The following PRDM11 variants were observed in gnomAD, a reference collection of about 807,000 sequenced individuals.
PRDM11 encodes the protein PR domain-containing protein 11.
Under a neutral mutation model 97.8 loss-of-function variants are expected in PRDM11, and 20 were observed. The ratio of observed to expected loss-of-function variants is 0.20; its 90% CI spans 0.14 to 0.30. The LOEUF is 0.30. Ranked by LOEUF, PRDM11 falls within the 10% of genes least tolerant of loss-of-function variation. PRDM11 has a pLI of 1.00. For synonymous variants in PRDM11, 599 were observed against 637.7 expected, an observed-to-expected ratio of 0.94 and a Z score of 0.91; for missense variants, 1,139 against 1,555.2, an observed-to-expected ratio of 0.73 and a Z score of 4.50.
chr11:45,105,044 C>T (rs1354326475), intron 1 of PRDM11, among the ~76,000 whole-genome samples: 2 of 152,226 alleles, frequency 1.3e-5, no homozygotes, highest in African/African-American at 2.4e-5. Context: ...ACATGTATTT[C>T]TTATAGTTCT....
Position 45,227,500 on chromosome 11 carries a change from A to C in PRDM11, c.2875A>C (p.Ile959Leu). Residue 959 changes from isoleucine (I) to leucine (L), a missense_variant, in exon 8 of 8, where the codon ATC becomes CTC. Coordinates refer to ENST00000683152, the MANE Select transcript of PRDM11 (RefSeq NM_001384648.1). The surrounding 1 kb of genome is among the most constrained non-coding windows in gnomAD (Gnocchi z 8.0). ...GGTGGCTGAAGCCAAGTTCCAGTCC[A>C]TCAGGGAGAAGATCTGCCAGAAGAC... The part of the protein sequence containing the change: ...LRVAEAKFQS[I>L]REKICQKTQV... 1 of 1,533,864 alleles carries C rather than the reference A, an allele frequency of 6.5e-7. No homozygotes were observed. The highest frequency in any genetic ancestry group is 8.7e-7 in the Non-Finnish European group (1 of 1,146,728).
At chr11:45,134,701 G>GAAAAAAAAAAAA (rs1191008824) in intron 1 of PRDM11, among the ~76,000 whole-genome samples, 947 of 44,394 alleles carry the variant, frequency 0.021, 52 homozygotes, top group Admixed American at 0.031. Context: ...CCTGTCTCAC[G>GAAAAAAAAAAAA]AAAAAAAAAA....
intron 1 of PRDM11, among the ~76,000 whole-genome samples, chr11:45,134,672 C>G (rs1327355053): frequency 1.6e-4 from 18 of 113,636 alleles, no homozygotes; most frequent in Non-Finnish European, 2.8e-4. Context: ...GCACTCCAGC[C>G]TGAGCAACAG....
At chr11:45,210,461 C>T (rs1278121089) in intron 5 of PRDM11, among the ~76,000 whole-genome samples, 1 of 152,244 alleles carries the variant, frequency 6.6e-6, no homozygotes, top group Non-Finnish European at 1.5e-5. Flanking sequence ...CACTTCTGCA[C>T]ATCTCCCCCG....
intron 1 of PRDM11, among the ~76,000 whole-genome samples, chr11:45,135,106 A>G (rs563207869): frequency 1.6e-4 from 25 of 151,796 alleles, no homozygotes; most frequent in East Asian, 7.7e-4. Flanking sequence ...ATCTCTAAAA[A>G]GAAGAATCCA....
intron 1 of PRDM11, among the ~76,000 whole-genome samples, chr11:45,178,645 C>T (rs1009920222): frequency 6.6e-6 from 1 of 152,200 alleles, no homozygotes; most frequent in African/African-American, 2.4e-5. Flanking sequence ...TGAAGGGGAA[C>T]ATTTGGTGAA....
intron 1 of PRDM11, among the ~76,000 whole-genome samples, chr11:45,175,346 G>A (rs746098749): frequency 1.8e-4 from 27 of 152,156 alleles, no homozygotes; most frequent in Non-Finnish European, 3.5e-4. Context: ...CAGCCTTCGT[G>A]ATTTTGCCTT....
chr11:45,166,373 C>G (rs977948895), intron 1 of PRDM11, among the ~76,000 whole-genome samples: 8 of 152,226 alleles, frequency 5.3e-5, no homozygotes, highest in Non-Finnish European at 1.0e-4. Flanking sequence ...AGCAGAGTCC[C>G]CCAGAGCCCC....
At chr11:45,212,494 G>A (rs1435213575) in intron 5 of PRDM11, 1 of 429,320 alleles carries the variant, frequency 2.3e-6, no homozygotes, top group Non-Finnish European at 4.6e-6. Flanking sequence ...AGGCGCCTGG[G>A]CCCTCAAGGC....
upstream of PRDM11, among the ~76,000 whole-genome samples, chr11:45,143,109 T>C (rs536340327): frequency 1.3e-5 from 2 of 152,340 alleles, no homozygotes; most frequent in Non-Finnish European, 2.9e-5. Flanking sequence ...GCCAGTTCCT[T>C]GGGGAAGATG....
At chr11:45,102,420 T>G (rs1446363677) in intron 1 of PRDM11, among the ~76,000 whole-genome samples, 1 of 152,130 alleles carries the variant, frequency 6.6e-6, no homozygotes, top group Non-Finnish European at 1.5e-5. Context: ...TGGACACAGA[T>G]GAGGAAAGAC....
At position 45,130,151 on chromosome 11, in the gene PRDM11, G is replaced by T. The variant is rs533404999; in HGVS notation, c.96+34250G>T. Among the ~76,000 whole-genome samples, 40 of 152,206 alleles carry T rather than the reference G, an allele frequency of 2.6e-4. No homozygotes were observed. The South Asian group carries it at 2.9e-3, about 11-fold the overall frequency. Reference sequence around the variant, plus strand: ...TTTGAAATGGATTCTAGATCTACATGTGAAAAACAAAACAATAAAGCTTCC... The same window carrying T: ...TTTGAAATGGATTCTAGATCTACATTTGAAAAACAAAACAATAAAGCTTCC... On this transcript the variant is annotated intron_variant, in intron 1 of 6. Coordinates refer to the PRDM11 transcript ENST00000530656.
intron 1 of PRDM11, among the ~76,000 whole-genome samples, chr11:45,128,620 AAT>A (rs1852644258): frequency 6.6e-6 from 1 of 152,064 alleles, no homozygotes; most frequent in East Asian, 1.9e-4. Context: ...AAAAGTAAAA[AAT>A]ACTGTAGTCT....
chr11:45,173,428 C>G (rs780619172), intron 1 of PRDM11, among the ~76,000 whole-genome samples: 2 of 152,008 alleles, frequency 1.3e-5, no homozygotes, highest in Non-Finnish European at 2.9e-5. Context: ...TCAAGACCAA[C>G]CTGGTCAACA....
intron 1 of PRDM11, among the ~76,000 whole-genome samples, chr11:45,179,669 A>G (rs1208078246): frequency 2.0e-5 from 3 of 152,138 alleles, no homozygotes; most frequent in Non-Finnish European, 2.9e-5. Flanking sequence ...TTATAAGGGC[A>G]CCTAACCCTT....
At position 45,226,701 on chromosome 11, in the gene PRDM11, G is replaced by C; in HGVS notation, c.2076G>C (p.Leu692=). Residue 692 remains leucine, a synonymous_variant, in exon 8 of 8, where the codon CTG becomes CTC. Coordinates refer to ENST00000683152, the MANE Select transcript of PRDM11 (RefSeq NM_001384648.1). ...SSDGPPATEF[L]SLQELGFSST... Reference sequence around the variant, plus strand: ...ATGGGCCCCCGGCCACAGAGTTCCTGTCCCTGCAGGAGCTGGGATTCTCTA... The same window carrying C: ...ATGGGCCCCCGGCCACAGAGTTCCTCTCCCTGCAGGAGCTGGGATTCTCTA... The C allele has an allele frequency of 6.5e-7, 1 of 1,534,006 alleles. No homozygotes were observed. The highest frequency in any genetic ancestry group is 8.7e-7 in the Non-Finnish European group (1 of 1,146,746).
In PRDM11 at chr11:45,181,826, G is replaced by A; in HGVS notation, c.60G>A (p.Val20=). ...AQTNAAVGDM[V]TVVKTEVCSP... ...CCAATGCAGCCGTGGGGGATATGGT[G>A]ACGGTGGTGAAGACGGAGGTCTGCT... The change falls in exon 2 of 8, where the codon GTG becomes GTA. Residue 20 remains valine, a synonymous_variant. Transcript: ENST00000683152. 6.2e-7 allele frequency: 1 copy of A among 1,613,626 alleles called. No individual in the cohort carries two copies. The highest frequency in any genetic ancestry group is 1.6e-4 in the Middle Eastern group (1 of 6,062).
chr11:45,148,386 C>G (rs1009182216), intron 1 of PRDM11, among the ~76,000 whole-genome samples: 1 of 152,144 alleles, frequency 6.6e-6, no homozygotes, highest in Non-Finnish European at 1.5e-5. Context: ...AGATGAAATG[C>G]CTGTTCCAGG....
intron 5 of PRDM11, among the ~76,000 whole-genome samples, chr11:45,210,514 C>A (rs1853690538): frequency 6.6e-6 from 1 of 152,348 alleles, no homozygotes; most frequent in South Asian, 2.1e-4. Context: ...GTCTGCCTGA[C>A]CGGCTCGTGA....
Sources: gnomAD v4.1 joint callset for allele counts (sites outside exome capture counted in the v4.1 genomes callset) on GRCh38, gnomAD v4.1.1 for gene constraint, Gnocchi (gnomAD v3.1) non-coding constraint, MANE v1.5 for transcripts, NCBI Gene and HGNC (gene_info 2026-07-23, HGNC 2026-07-21) for gene names.